The following CNTNAP5 variants were observed in gnomAD, a reference collection of about 807,000 sequenced individuals.
CNTNAP5 encodes the protein contactin associated protein family member 5.
A neutral mutation model predicts 150.2 loss-of-function variants in CNTNAP5; 72 were observed. That is an observed-to-expected ratio of 0.48 (90% CI 0.40 to 0.58). The LOEUF (loss-of-function observed/expected upper bound fraction) is 0.58. Among genes scored for constraint, CNTNAP5 ranks in the 20% least tolerant of loss-of-function variants. CNTNAP5 has a pLI of 0.00. For missense variants in CNTNAP5, 1,636 were observed against 1,626.2 expected (o/e 1.01, Z -0.10); for synonymous variants, 672 against 619.8 (o/e 1.08, Z -1.25).
At chr2:124,048,901 T>A (rs1403273438) in intron 1 of CNTNAP5, among the ~76,000 whole-genome samples, 2 of 152,252 alleles carry the variant, frequency 1.3e-5, no homozygotes. Context: ...CACACATTTA[T>A]TTTTATGAGT....
chr2:124,336,517 C>CTCCCCCT (rs1403103103), intron 3 of CNTNAP5, among the ~76,000 whole-genome samples: 5 of 100,846 alleles, frequency 5.0e-5, no homozygotes, highest in African/African-American at 2.0e-4. Context: ...AATGCTATCC[C>CTCCCCCT]TCCCCCCTCC....
chr2:124,164,938 G>T (rs73954575), intron 1 of CNTNAP5, among the ~76,000 whole-genome samples: 1,558 of 152,202 alleles, frequency 0.01, 26 homozygotes, highest in African/African-American at 0.036. Context: ...GGGAAATGGG[G>T]AACCTGCAGA....
At chr2:124,279,024 C>T (rs1248201646) in intron 3 of CNTNAP5, among the ~76,000 whole-genome samples, 2 of 152,120 alleles carry the variant, frequency 1.3e-5, no homozygotes, top group Non-Finnish European at 2.9e-5. Flanking sequence ...CTGAACAAGA[C>T]AGGTTCTAGA....
chr2:124,460,781 C>T (rs1373846662), intron 6 of CNTNAP5, among the ~76,000 whole-genome samples: 2 of 152,176 alleles, frequency 1.3e-5, no homozygotes, highest in Non-Finnish European at 2.9e-5. Flanking sequence ...GGACATCTCT[C>T]TAATAACAGA....
At chr2:124,408,675 C>G (rs1334226457) in intron 3 of CNTNAP5, among the ~76,000 whole-genome samples, 4 of 151,854 alleles carry the variant, frequency 2.6e-5, no homozygotes, top group East Asian at 1.9e-4. Flanking sequence ...AGCTGAGGGT[C>G]CTGTCTGTTA....
At chr2:124,532,690 G>C (rs370067613) in intron 10 of CNTNAP5, among the ~76,000 whole-genome samples, 1 of 152,210 alleles carries the variant, frequency 6.6e-6, no homozygotes, top group South Asian at 2.1e-4. Flanking sequence ...AATCCACCCC[G>C]CCCACAGTCT....
intron 7 of CNTNAP5, among the ~76,000 whole-genome samples, chr2:124,489,965 G>A (rs1385714645): frequency 6.6e-6 from 1 of 152,138 alleles, no homozygotes; most frequent in South Asian, 2.1e-4. Flanking sequence ...GTGGGGAAAT[G>A]TAGTCATCCA....
intron 4 of CNTNAP5, among the ~76,000 whole-genome samples, chr2:124,423,094 C>T (rs1265262810): frequency 6.6e-6 from 1 of 152,134 alleles, no homozygotes; most frequent in Non-Finnish European, 1.5e-5. Flanking sequence ...TTCAAACCAA[C>T]AGACATAGAA....
intron 1 of CNTNAP5, among the ~76,000 whole-genome samples, chr2:124,119,000 A>C (rs1219159994): frequency 9.2e-5 from 14 of 152,158 alleles, no homozygotes; most frequent in Admixed American, 9.2e-4. Context: ...GGATATGGTG[A>C]ATTCACACTG....
chr2:124,791,693 C>CTTTTT (rs538796535), intron 18 of CNTNAP5, among the ~76,000 whole-genome samples: 2 of 115,382 alleles, frequency 1.7e-5, no homozygotes, highest in Non-Finnish European at 3.7e-5. Flanking sequence ...AGCCTAATTT[C>CTTTTT]TTTTTTTTTT....
rs1679862838 is a variant in CNTNAP5 at position 124,713,301 on chromosome 2, C to CCT, written c.2078-33928_2078-33927insCT. 7.7e-4 allele frequency among the ~76,000 whole-genome samples: 59 copies of CCT among 76,952 alleles called. 2 individuals carry two copies. The highest frequency in any genetic ancestry group is 7.6e-3 in the Middle Eastern group (1 of 132). 50.5% of individuals were successfully genotyped at this position (76,952 alleles called of 152,430 possible). A position where few individuals can be genotyped will look rare whatever the true frequency, so the allele number is the denominator to read the frequency against. On this transcript the variant is annotated intron_variant, in intron 13 of 23. Coordinates refer to ENST00000682447, the MANE Select transcript of CNTNAP5 (RefSeq NM_001367498.1). ...TCTTTCTTTCTTTCTTTCTTTCTTT[C>CCT]TTCTTTCTCTTTCTTTCCTTTCTTT...
chr2:124,777,146 GAA>G (rs11317771), intron 17 of CNTNAP5, among the ~76,000 whole-genome samples: 21 of 136,792 alleles, frequency 1.5e-4, no homozygotes, highest in African/African-American at 3.2e-4. Context: ...CTTTAGTGGG[GAA>G]AAAAAAAAAA....
chr2:124,654,341 C>G (rs2105035201), intron 13 of CNTNAP5, among the ~76,000 whole-genome samples: 1 of 152,196 alleles, frequency 6.6e-6, no homozygotes, highest in East Asian at 1.9e-4. Context: ...TCAGGCTAAA[C>G]CAGGTATGAA....
intron 3 of CNTNAP5, among the ~76,000 whole-genome samples, chr2:124,293,195 A>T (rs998419938): frequency 1.3e-5 from 2 of 152,084 alleles, no homozygotes; most frequent in African/African-American, 4.8e-5. Flanking sequence ...ATGGTGTTTA[A>T]TATGATATTT....
intron 1 of CNTNAP5, among the ~76,000 whole-genome samples, chr2:124,203,413 A>G (rs1685777175): frequency 6.6e-6 from 1 of 152,062 alleles, no homozygotes; most frequent in African/African-American, 2.4e-5. Context: ...TGGAGGATCT[A>G]CCATTCTGAG....
chr2:124,767,863 C>T (rs185953866), intron 16 of CNTNAP5, among the ~76,000 whole-genome samples: 3 of 152,276 alleles, frequency 2.0e-5, no homozygotes, highest in East Asian at 1.9e-4. Flanking sequence ...ATGTCTACTT[C>T]GGTCTAAGGC....
At chr2:124,786,454 A>AG (rs1681591724) in intron 17 of CNTNAP5, among the ~76,000 whole-genome samples, 3 of 107,150 alleles carry the variant, frequency 2.8e-5, no homozygotes, top group South Asian at 3.4e-4. Context: ...AAGGAAAGAA[A>AG]GAAAGAAAGA....
chr2:124,461,015 A>C (rs1693234417), intron 6 of CNTNAP5, among the ~76,000 whole-genome samples: 1 of 152,214 alleles, frequency 6.6e-6, no homozygotes. Flanking sequence ...ATCATTAAAA[A>C]GTCAAGAAAC....
intron 1 of CNTNAP5, among the ~76,000 whole-genome samples, chr2:124,194,395 ATATATATATATATATAAATAT>A (rs1558795467): frequency 2.1e-3 from 53 of 25,568 alleles, no homozygotes; most frequent in African/African-American, 3.5e-3. Context: ...ATATATATAT[ATATATATATATATATAAATAT>A]AAATAGGTGT....
Sources: gnomAD v4.1 joint callset for allele counts (sites outside exome capture counted in the v4.1 genomes callset) on GRCh38, gnomAD v4.1.1 for gene constraint, MANE v1.5 for transcripts, NCBI Gene and HGNC (gene_info 2026-07-23, HGNC 2026-07-21) for gene names.